The following ANKRD36C variants were observed in gnomAD, a reference collection of about 807,000 sequenced individuals.
ANKRD36C encodes ankyrin repeat domain-containing protein 36C.
In ANKRD36C, 61 loss-of-function variants were observed where a neutral mutation model predicts 276.4. The observed-to-expected ratio is 0.22, with a 90% CI of 0.18 to 0.27. The LOEUF (loss-of-function observed/expected upper bound fraction) is 0.27, where lower values mean the gene tolerates loss of function less well. Among genes scored for constraint, ANKRD36C ranks in the 10% least tolerant of loss-of-function variants. The probability of loss-of-function intolerance (pLI) is 1.00; values close to 1 mark genes in which losing one functional copy is unlikely to be tolerated. For synonymous variants in ANKRD36C, 483 were observed against 680.1 expected (o/e 0.71, Z 4.51); for missense variants, 1,447 against 2,032.3 (o/e 0.71, Z 5.54).
intron 1 of ANKRD36C, among the ~76,000 whole-genome samples, chr2:95,988,630 ATAAAT>A (rs1277062936): frequency 3.3e-5 from 5 of 152,242 alleles, no homozygotes; most frequent in African/African-American, 4.8e-5. Context: ...TGAAAAAAAC[ATAAAT>A]TAAAGCAGTG....
At chr2:95,947,139 A>T (rs1573793175) in intron 17 of ANKRD36C, among the ~76,000 whole-genome samples, 2 of 152,258 alleles carry the variant, frequency 1.3e-5, no homozygotes, top group South Asian at 4.1e-4. Context: ...TTAATCTAAA[A>T]TCCTAATCTA....
At chr2:95,869,326 T>G (rs1675750690) in intron 59 of ANKRD36C, among the ~76,000 whole-genome samples, 1 of 152,170 alleles carries the variant, frequency 6.6e-6, no homozygotes, top group Non-Finnish European at 1.5e-5. Context: ...AATAATTCAT[T>G]ATGTGTTAAA....
intron 40 of ANKRD36C, among the ~76,000 whole-genome samples, chr2:95,913,316 A>G (rs541637521): frequency 8.6e-5 from 13 of 151,002 alleles, no homozygotes; most frequent in Non-Finnish European, 1.8e-4. Context: ...GTTATTCTCT[A>G]AAGAAGTTTC....
At chr2:95,912,716 G>A (rs1676969920) in intron 40 of ANKRD36C, among the ~76,000 whole-genome samples, 2 of 151,432 alleles carry the variant, frequency 1.3e-5, no homozygotes, top group Admixed American at 1.3e-4. Flanking sequence ...GATATGCTGA[G>A]TGATGAGGAC....
intron 66 of ANKRD36C, among the ~76,000 whole-genome samples, 165 bp from the exon 87 acceptor site, chr2:95,851,360 A>G (rs190318444): frequency 2.0e-5 from 3 of 152,366 alleles, no homozygotes; most frequent in African/African-American, 7.2e-5. Flanking sequence ...GAGCACGGAC[A>G]TGACACCACA....
chr2:95,890,193 T>C (rs749179242), intron 46 of ANKRD36C, among the ~76,000 whole-genome samples, 199 bp from the exon 67 acceptor site: 9 of 151,458 alleles, frequency 5.9e-5, no homozygotes, highest in Non-Finnish European at 1.3e-4. Flanking sequence ...AAATATATCC[T>C]TACAATTTTA....
intron 5 of ANKRD36C, among the ~76,000 whole-genome samples, chr2:95,979,790 A>C (rs1434203594): frequency 6.6e-6 from 1 of 152,070 alleles, no homozygotes; most frequent in African/African-American, 2.4e-5. Context: ...AAAGGGACAC[A>C]AAAAATAACT....
chr2:95,871,492 G>T (rs559343475), intron 59 of ANKRD36C, among the ~76,000 whole-genome samples: 1 of 152,112 alleles, frequency 6.6e-6, no homozygotes, highest in Non-Finnish European at 1.5e-5. Flanking sequence ...CACCAGGCCT[G>T]CCCTAAAAGA....
intron 42 of ANKRD36C, 25 bp from the exon 48 acceptor site, chr2:95,908,599 A>G (rs1676816109): frequency 6.4e-7 from 1 of 1,563,528 alleles, no homozygotes; most frequent in Non-Finnish European, 8.7e-7. Context: ...AAATGCAATA[A>G]TAAATTAATA....
chr2:95,857,410 C>T (rs1335852133), exon 62 of ANKRD36C: 1 of 1,609,894 alleles, frequency 6.2e-7, no homozygotes, highest in Non-Finnish European at 8.5e-7. Flanking sequence ...TATTGCTCTT[C>T]TGTGATTCTT....
intron 60 of ANKRD36C, among the ~76,000 whole-genome samples, chr2:95,864,972 TATATGCTAGTGATAAACAATCAA>T (rs1326751225): frequency 6.6e-6 from 1 of 152,110 alleles, no homozygotes; most frequent in Non-Finnish European, 1.5e-5. Context: ...ACTGTATTTC[TATATGCTAGTGATAAACAATCAA>T]ATGAAAATTT....
At chr2:95,884,114 A>G (rs1676146641) in intron 54 of ANKRD36C, 59 bp downstream of exon 74, 2 of 1,531,310 alleles carry the variant, frequency 1.3e-6, no homozygotes, top group Non-Finnish European at 1.8e-6. Context: ...TTTATTTGGG[A>G]AGAGAAGTTC....
exon 1 of ANKRD36C, chr2:95,991,788 G>A (rs1461199901): frequency 2.3e-5 from 32 of 1,377,548 alleles, no homozygotes; most frequent in Non-Finnish European, 3.0e-5. Flanking sequence ...AGCAACAACA[G>A]GCAAAGCAGT....
chr2:95,984,832 A>G (rs1483497789), intron 3 of ANKRD36C, among the ~76,000 whole-genome samples: 1 of 152,184 alleles, frequency 6.6e-6, no homozygotes, highest in African/African-American at 2.4e-5. Context: ...AATCAGAAAT[A>G]AAAATACAAT....
At chr2:95,918,513 C>T (rs1272834945) in intron 34 of ANKRD36C, among the ~76,000 whole-genome samples, 1 of 151,642 alleles carries the variant, frequency 6.6e-6, no homozygotes, top group African/African-American at 2.4e-5. Context: ...GTTACCATGA[C>T]ACTTCAGTTG....
chr2:95,948,366 A>G (rs1165292387), intron 17 of ANKRD36C, among the ~76,000 whole-genome samples, 164 bp downstream of exon 17: 2 of 152,248 alleles, frequency 1.3e-5, no homozygotes, highest in East Asian at 3.8e-4. Flanking sequence ...GTAAAAAAAA[A>G]TTAAAATTAA....
At chr2:95,918,109 C>T in intron 34 of ANKRD36C, 67 bp from the exon 37 acceptor site, 2 of 1,566,200 alleles carry the variant, frequency 1.3e-6, no homozygotes, top group Non-Finnish European at 1.7e-6. Context: ...TACATTCACA[C>T]AGTGTTAGCA....
intron 24 of ANKRD36C, among the ~76,000 whole-genome samples, chr2:95,930,857 G>A (rs1399624187): frequency 2.0e-5 from 3 of 151,234 alleles, no homozygotes; most frequent in East Asian, 1.9e-4. Flanking sequence ...TGATGTGAAC[G>A]AAGCATGTAT....
At chr2:95,952,903 CT>C (rs1480421040) in intron 14 of ANKRD36C, among the ~76,000 whole-genome samples, 1 of 152,248 alleles carries the variant, frequency 6.6e-6, no homozygotes, top group East Asian at 1.9e-4. Flanking sequence ...AATAGGTTTT[CT>C]AGTTTCAAGT....
Sources: gnomAD v4.1 joint callset for allele counts (sites outside exome capture counted in the v4.1 genomes callset) on GRCh38, gnomAD v4.1.1 for gene constraint, MANE v1.5 for transcripts, NCBI Gene and HGNC (gene_info 2026-07-23, HGNC 2026-07-21) for gene names.